ADAMTSL1: variants seen among roughly 807,000 people sequenced by gnomAD.
ADAMTSL1 encodes the protein ADAMTS like 1.
A neutral mutation model predicts 201.8 loss-of-function variants in ADAMTSL1; 126 were observed. That is an observed-to-expected ratio of 0.62 (90% CI 0.54 to 0.72). The LOEUF is 0.72. Among genes scored for constraint, ADAMTSL1 ranks in the 30% least tolerant of loss-of-function variants. The pLI is 0.00. For synonymous variants in ADAMTSL1, 1,121 were observed against 903.4 expected (o/e 1.24, Z -4.32); for missense variants, 2,679 against 2,277.8 (o/e 1.18, Z -3.59).
intron 1 of ADAMTSL1, among the ~76,000 whole-genome samples, chr9:17,942,444 C>G (rs1287374017): frequency 1.3e-5 from 2 of 152,106 alleles, no homozygotes; most frequent in Non-Finnish European, 2.9e-5. Flanking sequence ...AGATGTGACA[C>G]AGGGAACAGC....
At chr9:18,044,246 C>T (rs146842584) in intron 1 of ADAMTSL1, among the ~76,000 whole-genome samples, 1 of 151,936 alleles carries the variant, frequency 6.6e-6, no homozygotes, top group East Asian at 1.9e-4. Flanking sequence ...CTGCAGAGGA[C>T]TAGGCAGATG....
chr9:18,301,118 A>G (rs4610856), intron 2 of ADAMTSL1, among the ~76,000 whole-genome samples: 72,965 of 151,960 alleles, frequency 0.48, 18,016 homozygotes, highest in South Asian at 0.64. Context: ...TTATTTCATC[A>G]ATCCAAGATA....
chr9:18,510,786 C>T (rs1817977913), intron 2 of ADAMTSL1, among the ~76,000 whole-genome samples: 1 of 151,884 alleles, frequency 6.6e-6, no homozygotes, highest in Non-Finnish European at 1.5e-5. Context: ...ACTATACCTA[C>T]TGGTGCTTGA....
chr9:18,699,553 C>A (rs1292042255), intron 13 of ADAMTSL1, among the ~76,000 whole-genome samples: 1 of 152,076 alleles, frequency 6.6e-6, no homozygotes, highest in Admixed American at 6.6e-5. Flanking sequence ...TGGTCTCAAA[C>A]TCTTGGCCTC....
At chr9:17,936,465 G>C (rs1332884761) in intron 1 of ADAMTSL1, among the ~76,000 whole-genome samples, 1 of 152,136 alleles carries the variant, frequency 6.6e-6, no homozygotes. Flanking sequence ...ACACAGGCTG[G>C]GTGACCTCAG....
At chr9:18,356,088 G>C (rs1448811064) in intron 2 of ADAMTSL1, among the ~76,000 whole-genome samples, 1 of 152,218 alleles carries the variant, frequency 6.6e-6, no homozygotes, top group Non-Finnish European at 1.5e-5. Context: ...CTAAGAGTGA[G>C]CAAGGCGGGT....
intron 2 of ADAMTSL1, among the ~76,000 whole-genome samples, chr9:18,406,339 C>CTTTTCTTTTCTTT (rs1818204785): frequency 7.0e-6 from 1 of 143,708 alleles, no homozygotes; most frequent in Non-Finnish European, 1.5e-5. Flanking sequence ...CTTTTCTTTT[C>CTTTTCTTTTCTTT]TTTTTTTGAC....
chr9:18,213,299 C>T (rs1829946336), intron 2 of ADAMTSL1, among the ~76,000 whole-genome samples: 1 of 152,280 alleles, frequency 6.6e-6, no homozygotes, highest in South Asian at 2.1e-4. Context: ...TGTAGGATCA[C>T]GCTCTTGATT....
chr9:18,386,991 G>A (rs752212907), intron 2 of ADAMTSL1, among the ~76,000 whole-genome samples: 2 of 152,002 alleles, frequency 1.3e-5, no homozygotes, highest in Non-Finnish European at 2.9e-5. Flanking sequence ...ACATACCAAA[G>A]GTCTTATAAA....
At chr9:18,148,365 A>G (rs1011753298) in intron 1 of ADAMTSL1, among the ~76,000 whole-genome samples, 4 of 151,802 alleles carry the variant, frequency 2.6e-5, no homozygotes, top group African/African-American at 9.7e-5. Flanking sequence ...TGGATGATTA[A>G]CAGGGTAGAG....
intron 4 of ADAMTSL1, among the ~76,000 whole-genome samples, chr9:18,604,079 C>T (rs945296144): frequency 2.4e-4 from 36 of 152,188 alleles, no homozygotes; most frequent in African/African-American, 8.4e-4. Flanking sequence ...TTGGCTGGAG[C>T]TGGACCTCAT....
Position 18,022,829 on chromosome 9 carries a change from G to A in ADAMTSL1, c.87+115907G>A, listed in dbSNP as rs538690745. On this transcript the variant is annotated intron_variant, in intron 1 of 29. Coordinates refer to the ADAMTSL1 transcript ENST00000680146. ...TTTACTCTGAAAATATTTATTCAGCGCCTACTATTTGACTATTTTGGTTCC... is the reference window on the plus strand; with the variant it reads ...TTTACTCTGAAAATATTTATTCAGCACCTACTATTTGACTATTTTGGTTCC... 1.9e-4 allele frequency among the ~76,000 whole-genome samples: 29 copies of A among 152,074 alleles called. No individual in the cohort carries two copies. In the South Asian group the frequency reaches 3.9e-3, roughly 21 times the overall value.
intron 2 of ADAMTSL1, among the ~76,000 whole-genome samples, chr9:18,283,282 C>T (rs752389566): frequency 1.3e-5 from 2 of 152,026 alleles, no homozygotes; most frequent in Non-Finnish European, 2.9e-5. Context: ...TCATCCTCTG[C>T]GTGATGTATT....
chr9:18,339,673 C>T (rs993049038), intron 2 of ADAMTSL1, among the ~76,000 whole-genome samples: 1 of 152,114 alleles, frequency 6.6e-6, no homozygotes, highest in African/African-American at 2.4e-5. Flanking sequence ...CCAGGTCAGT[C>T]TTATGATCCT....
Position 18,504,915 on chromosome 9 carries a change from G to T in ADAMTSL1, c.150G>T (p.Gly50=), listed in dbSNP as rs1488550219. The T allele has an allele frequency of 6.2e-7, 1 of 1,612,680 alleles. No homozygotes were observed. Among genetic ancestry groups the T allele is most frequent in the East Asian group, 2.2e-5 (1 of 44,820 alleles). The change falls in exon 2 of 29, where the codon GGG becomes GGT. Residue 50 remains glycine, a synonymous_variant. Transcript: ENST00000380548. ...GGAGTGAATGCTCACGCACCTGCGG[G>T]GGTGGGGCCTCCTACTCTCTGAGGC... ...GPWSECSRTC[G]GGASYSLRRC...
intron 2 of ADAMTSL1, among the ~76,000 whole-genome samples, chr9:18,353,074 T>A (rs2133037250): frequency 6.6e-6 from 1 of 152,258 alleles, no homozygotes; most frequent in East Asian, 1.9e-4. Context: ...CCATTCTGGG[T>A]TCCTCTGTTA....
At position 18,723,287 on chromosome 9, in the gene ADAMTSL1, G is replaced by T. The variant is rs148303105; in HGVS notation, c.2006+1622G>T. On this transcript the variant is annotated intron_variant, in intron 15 of 28. Coordinates refer to ENST00000380548, the MANE Select transcript of ADAMTSL1 (RefSeq NM_001040272.6). Reference sequence around the variant, plus strand: ...TGTGCTAATCATTCCTGTAATTTCTGTTCTGCTTATTTGCCATTATTTGAA... The same window carrying T: ...TGTGCTAATCATTCCTGTAATTTCTTTTCTGCTTATTTGCCATTATTTGAA... The T allele has an allele frequency of 5.6e-4, 330 of 585,186 alleles. 1 individual carries two copies. The Middle Eastern group carries it at 5.9e-3, about 10-fold the overall frequency. 36.2% of individuals were successfully genotyped at this position (585,186 alleles called of 1,614,324 possible).
At chr9:18,439,541 A>G (rs1388290052) in intron 2 of ADAMTSL1, among the ~76,000 whole-genome samples, 1 of 151,862 alleles carries the variant, frequency 6.6e-6, no homozygotes, top group African/African-American at 2.4e-5. Flanking sequence ...TAATTTTTGT[A>G]TTTTTAGTAG....
chr9:18,593,277 A>C lies in ADAMTSL1; in HGVS notation c.474+19011A>C, dbSNP rs548467953. 1.3e-4 allele frequency among the ~76,000 whole-genome samples: 20 copies of C among 152,264 alleles called. No homozygotes were observed. In the South Asian group the frequency reaches 2.9e-3, roughly 22 times the overall value. On this transcript the variant is annotated intron_variant, in intron 4 of 28. Coordinates refer to ENST00000380548, the MANE Select transcript of ADAMTSL1 (RefSeq NM_001040272.6). ...GTTAAATAACATGTTGGAAGTGGAC[A>C]TCCTTGTTGTGTTTCATATATTAAA...
Sources: allele counts gnomAD v4.1 joint callset (sites outside exome capture counted in the v4.1 genomes callset), GRCh38; gene constraint gnomAD v4.1.1; transcripts MANE v1.5; gene names NCBI Gene and HGNC (gene_info 2026-07-23, HGNC 2026-07-21).